BLTP3A: variants seen among roughly 807,000 people sequenced by gnomAD.
BLTP3A encodes ICBP90 binding protein 1.
the BLTP3A span, among the ~76,000 whole-genome samples, chr6:34,843,971 A>T: frequency 6.6e-6 from 1 of 151,716 alleles, no homozygotes. Context: ...TTGTAGTTTT[A>T]TTTTGTTTTT....
chr6:34,814,876 C>T, the BLTP3A span, among the ~76,000 whole-genome samples: 1 of 152,146 alleles, frequency 6.6e-6, no homozygotes, highest in Admixed American at 6.5e-5. Context: ...AAAGAATGTC[C>T]TCCAACCACT....
the BLTP3A span, among the ~76,000 whole-genome samples, chr6:34,810,354 G>A: frequency 6.6e-6 from 1 of 152,222 alleles, no homozygotes; most frequent in Non-Finnish European, 1.5e-5. Flanking sequence ...CTCTTGCTGA[G>A]ATGACATGAT....
chr6:34,806,065 TTAATCAGACATATTA>T, the BLTP3A span, among the ~76,000 whole-genome samples: 1 of 152,244 alleles, frequency 6.6e-6, no homozygotes. Flanking sequence ...ACAAGTCTGA[TTAATCAGACATATTA>T]GAGTTGATTT....
At chr6:34,851,765 G>A in the BLTP3A span, among the ~76,000 whole-genome samples, 97 of 152,268 alleles carry the variant, frequency 6.4e-4, no homozygotes, top group Middle Eastern at 6.8e-3. Context: ...GCCATGGCCC[G>A]GAGTCGGGAA....
the BLTP3A span, chr6:34,792,149 G>C: frequency 2.6e-6 from 3 of 1,138,980 alleles, no homozygotes; most frequent in Non-Finnish European, 1.2e-6. Flanking sequence ...GGCTGTGTCC[G>C]GTGCTCACGC....
At chr6:34,863,984 G>GTT in the BLTP3A span, 75 of 1,311,152 alleles carry the variant, frequency 5.7e-5, no homozygotes, top group South Asian at 2.0e-4. Flanking sequence ...TGTGGTTTTT[G>GTT]TTTTTTTTTT....
At chr6:34,843,402 GA>G in the BLTP3A span, among the ~76,000 whole-genome samples, 3 of 151,862 alleles carry the variant, frequency 2.0e-5, no homozygotes, top group Non-Finnish European at 4.4e-5. Context: ...ATCAAGTGCT[GA>G]AAAAATGTTG....
chr6:34,838,969 G>A, the BLTP3A span, among the ~76,000 whole-genome samples: 1 of 152,194 alleles, frequency 6.6e-6, no homozygotes, highest in Admixed American at 6.5e-5. Flanking sequence ...CTTCAAGGAA[G>A]GCCGGGCATG....
At chr6:34,837,489 G>A in the BLTP3A span, among the ~76,000 whole-genome samples, 3 of 151,938 alleles carry the variant, frequency 2.0e-5, no homozygotes, top group African/African-American at 7.3e-5. Flanking sequence ...TTTGAGACCA[G>A]CCTGGGCAAT....
chr6:34,834,914 A>G, the BLTP3A span: 3 of 1,582,478 alleles, frequency 1.9e-6, no homozygotes, highest in African/African-American at 2.7e-5. Flanking sequence ...TCTATGAGAC[A>G]GCCTGGATTT....
At chr6:34,859,084 C>T in the BLTP3A span, 1 of 1,614,206 alleles carries the variant, frequency 6.2e-7, no homozygotes, top group East Asian at 2.2e-5. Flanking sequence ...AGAGCTATCT[C>T]CTTCAGAGGA....
At chr6:34,857,185 G>T in the BLTP3A span, 1 of 1,096,796 alleles carries the variant, frequency 9.1e-7, no homozygotes, top group Non-Finnish European at 1.3e-6. Flanking sequence ...GCAGGTGTGA[G>T]AACACCTGGA....
chr6:34,819,556 T>C, the BLTP3A span, among the ~76,000 whole-genome samples: 7 of 152,128 alleles, frequency 4.6e-5, no homozygotes, highest in South Asian at 4.1e-4. Context: ...TTAATTTAAT[T>C]GAGCAGGGGT....
the BLTP3A span, among the ~76,000 whole-genome samples, chr6:34,847,260 T>C: frequency 1.3e-5 from 2 of 151,988 alleles, no homozygotes; most frequent in Non-Finnish European, 2.9e-5. Flanking sequence ...AACACTTTCA[T>C]GTAGGAAGTT....
the BLTP3A span, among the ~76,000 whole-genome samples, chr6:34,797,438 A>G: frequency 1.3e-5 from 2 of 152,188 alleles, no homozygotes; most frequent in African/African-American, 4.8e-5. Flanking sequence ...ATGAACACTG[A>G]GGAGCAGCAA....
chr6:34,873,810 C>G, the BLTP3A span: 1 of 152,394 alleles, frequency 6.6e-6, no homozygotes, highest in Non-Finnish European at 1.5e-5. Context: ...CTTGCATACT[C>G]TAGTTTGATG....
At chr6:34,856,408 A>G in the BLTP3A span, 1 of 1,613,734 alleles carries the variant, frequency 6.2e-7, no homozygotes, top group Non-Finnish European at 8.5e-7. Flanking sequence ...GGAGAAAAGC[A>G]GGTGGGTTAT....
the BLTP3A span, chr6:34,858,770 G>A: frequency 1.2e-6 from 2 of 1,614,106 alleles, no homozygotes; most frequent in East Asian, 2.2e-5. Flanking sequence ...GACAACAAAG[G>A]GCCTCTGACA....
the BLTP3A span, among the ~76,000 whole-genome samples, chr6:34,806,615 T>C: frequency 2.0e-5 from 3 of 152,216 alleles, no homozygotes; most frequent in African/African-American, 7.2e-5. Context: ...CAAAGATATA[T>C]GCTACACTTC....
Sources: gnomAD v4.1 joint callset for allele counts (sites outside exome capture counted in the v4.1 genomes callset) on GRCh38, gnomAD v4.1.1 for gene constraint, MANE v1.5 for transcripts, NCBI Gene and HGNC (gene_info 2026-07-23, HGNC 2026-07-21) for gene names.